Variants in SPOCK3 observed in about 807,000 individuals in gnomAD.
The protein encoded by SPOCK3 is testican-3.
SPOCK3 carries 30 observed loss-of-function variants against 56.6 expected under a neutral mutation model. The observed-to-expected ratio is 0.53, with a 90% CI of 0.40 to 0.72. SPOCK3 has a LOEUF of 0.72. Among genes scored for constraint, SPOCK3 ranks in the 30% least tolerant of loss-of-function variants. SPOCK3 has a pLI of 0.00. For synonymous variants in SPOCK3, 196 were observed against 183.3 expected (o/e 1.07, Z -0.56); for missense variants, 527 against 530.0 (o/e 0.99, Z 0.06).
chr4:167,116,825 A>T (rs979895705), intron 2 of SPOCK3, among the ~76,000 whole-genome samples: 2 of 141,554 alleles, frequency 1.4e-5, no homozygotes, highest in East Asian at 2.0e-4. Context: ...ATGTATATAT[A>T]TAAAAGTATA....
rs189340170 is a variant in SPOCK3 at position 166,910,786 on chromosome 4, A to G, written c.474+1834T>C. Among the ~76,000 whole-genome samples, 61 of 152,244 alleles carry G rather than the reference A, an allele frequency of 4.0e-4. 1 individual carries two copies. Among genetic ancestry groups the G allele is most frequent in the African/African-American group, 1.3e-3 (56 of 41,560 alleles). On this transcript the variant is annotated intron_variant, in intron 5 of 10. Coordinates refer to ENST00000357545, the MANE Select transcript of SPOCK3 (RefSeq NM_001040159.2). The stretch of plus-strand genomic sequence containing the variant: ...TCAGTACTTCTGGCACATATTTCCA[A>G]TGTTGAGAAAGACATACTTCTACTT...
chr4:166,804,523 A>G (rs1208438951), intron 6 of SPOCK3, among the ~76,000 whole-genome samples: 1 of 152,160 alleles, frequency 6.6e-6, no homozygotes, highest in Non-Finnish European at 1.5e-5. Flanking sequence ...TCACAATGTC[A>G]CAGGATGTAA....
chr4:167,221,080 C>A (rs1309291382), intron 2 of SPOCK3, among the ~76,000 whole-genome samples: 1 of 152,050 alleles, frequency 6.6e-6, no homozygotes, highest in African/African-American at 2.4e-5. Flanking sequence ...GAAAACCAAG[C>A]CAGGCACAAT....
chr4:166,815,564 G>A (rs912873687), intron 6 of SPOCK3, among the ~76,000 whole-genome samples: 24 of 152,014 alleles, frequency 1.6e-4, no homozygotes, highest in Admixed American at 2.6e-4. Context: ...GGCCAAGGTG[G>A]GAAGATCACT....
intron 2 of SPOCK3, among the ~76,000 whole-genome samples, chr4:167,161,909 A>T (rs1765350095): frequency 7.2e-6 from 1 of 138,602 alleles, no homozygotes; most frequent in African/African-American, 2.6e-5. Context: ...GGGAGGGGGA[A>T]GGGATAGCAT....
rs527879570 is a variant in SPOCK3 at position 167,036,502 on chromosome 4, C to T, written c.235+25990G>A. On this transcript the variant is annotated intron_variant, in intron 3 of 10. Transcript: ENST00000357545. ...AAAAAACAATTTTTAAATATTCTTG[C>T]TGACTTAGTTATTTAGGATCATTTT... Among the ~76,000 whole-genome samples the T allele has an allele frequency of 3.3e-5, 5 of 152,264 alleles. No homozygotes were observed. In the South Asian group the frequency reaches 1.0e-3, roughly 32 times the overall value.
At chr4:166,904,475 C>G (rs975541216) in intron 5 of SPOCK3, among the ~76,000 whole-genome samples, 1 of 152,032 alleles carries the variant, frequency 6.6e-6, no homozygotes, top group African/African-American at 2.4e-5. Flanking sequence ...ACTGTACATA[C>G]ACTTACTTAA....
chr4:167,004,582 G>T (rs1749282452), intron 3 of SPOCK3, among the ~76,000 whole-genome samples: 1 of 152,146 alleles, frequency 6.6e-6, no homozygotes, highest in Admixed American at 6.5e-5. Flanking sequence ...GGTTTGAAGT[G>T]TGTGTGATTA....
chr4:166,792,101 C>T, intron 7 of SPOCK3, 69 bp downstream of exon 7: 2 of 1,567,868 alleles, frequency 1.3e-6, no homozygotes, highest in East Asian at 2.2e-5. Context: ...GTGTTTTGTT[C>T]TAAGTGGTTC....
chr4:166,820,468 C>T (rs886831253), intron 6 of SPOCK3, among the ~76,000 whole-genome samples: 8 of 151,878 alleles, frequency 5.3e-5, no homozygotes, highest in Non-Finnish European at 1.2e-4. Context: ...GGTCATACAG[C>T]TGTTAAGATT....
chr4:166,793,680 G>A (rs1741593369), intron 6 of SPOCK3, among the ~76,000 whole-genome samples: 2 of 152,094 alleles, frequency 1.3e-5, no homozygotes, highest in Admixed American at 6.5e-5. Flanking sequence ...ACAAAATGAA[G>A]ATCTCATAAA....
chr4:166,929,496 TAGA>T (rs1739488995), intron 4 of SPOCK3, among the ~76,000 whole-genome samples: 1 of 152,274 alleles, frequency 6.6e-6, no homozygotes, highest in African/African-American at 2.4e-5. Context: ...ATTTTCTCCC[TAGA>T]AGATTTCAGG....
intron 4 of SPOCK3, among the ~76,000 whole-genome samples, chr4:166,981,968 G>C (rs901530482): frequency 1.3e-5 from 2 of 152,198 alleles, no homozygotes; most frequent in African/African-American, 4.8e-5. Context: ...GTTCGGAGAG[G>C]GCAGGAAGTG....
intron 8 of SPOCK3, among the ~76,000 whole-genome samples, chr4:166,749,911 A>G (rs1418813898): frequency 6.6e-6 from 1 of 152,152 alleles, no homozygotes; most frequent in African/African-American, 2.4e-5. Context: ...TTATATTGAA[A>G]ACAGTTCTTC....
chr4:166,989,081 T>A (rs554256843), intron 4 of SPOCK3, among the ~76,000 whole-genome samples: 1 of 152,076 alleles, frequency 6.6e-6, no homozygotes, highest in Non-Finnish European at 1.5e-5. Context: ...TGATAAAGAA[T>A]GTACTCTACC....
At chr4:166,811,428 G>A (rs1743780611) in intron 6 of SPOCK3, among the ~76,000 whole-genome samples, 1 of 149,598 alleles carries the variant, frequency 6.7e-6, no homozygotes, top group Non-Finnish European at 1.5e-5. Context: ...ATAGTTTCAT[G>A]TTTTTTTTCA....
intron 5 of SPOCK3, among the ~76,000 whole-genome samples, chr4:166,894,863 A>G (rs1445938511): frequency 6.6e-6 from 1 of 152,186 alleles, no homozygotes; most frequent in African/African-American, 2.4e-5. Flanking sequence ...CCAAAACTAA[A>G]CACACCTCAA....
In SPOCK3 at chr4:167,019,018, C is replaced by G. The variant is rs149018379; in HGVS notation, c.236-18555G>C. On this transcript the variant is annotated intron_variant, in intron 3 of 10. Coordinates refer to ENST00000357545, the MANE Select transcript of SPOCK3 (RefSeq NM_001040159.2). ...GTGAGCACAATGAAGCCATTTGAAA[C>G]GATAAAAAATCAGCTGTTTCCCTTT... is the stretch of plus-strand genomic sequence containing the variant. 2.0e-4 allele frequency among the ~76,000 whole-genome samples: 30 copies of G among 152,078 alleles called. No individual in the cohort carries two copies. The East Asian group carries it at 5.8e-3, about 29-fold the overall frequency.
At chr4:167,014,951 T>A (rs1750469244) in intron 3 of SPOCK3, among the ~76,000 whole-genome samples, 1 of 151,962 alleles carries the variant, frequency 6.6e-6, no homozygotes. Flanking sequence ...AAATTACTCT[T>A]TTTTCTAAAA....
Sources: allele counts gnomAD v4.1 joint callset (sites outside exome capture counted in the v4.1 genomes callset), GRCh38; gene constraint gnomAD v4.1.1; transcripts MANE v1.5; gene names NCBI Gene and HGNC (gene_info 2026-07-23, HGNC 2026-07-21).